USP19: variants seen among roughly 807,000 people sequenced by gnomAD.
USP19 encodes ubiquitin carboxyl-terminal hydrolase 19.
In USP19, 40 loss-of-function variants were observed where a neutral mutation model predicts 144.8. The observed-to-expected ratio is 0.28, with a 90% CI of 0.21 to 0.36. USP19 has a LOEUF of 0.36. Among genes scored for constraint, USP19 ranks in the 10% least tolerant of loss-of-function variants. The pLI is 1.00. For synonymous variants in USP19, 701 were observed against 709.3 expected, an observed-to-expected ratio of 0.99 and a Z score of 0.19; for missense variants, 1,518 against 1,822.5, an observed-to-expected ratio of 0.83 and a Z score of 3.04.
In USP19 at chr3:49,116,380, G is replaced by C. The variant is rs761341708; in HGVS notation, c.1284-29C>G. The C allele has an allele frequency of 6.2e-7, 1 of 1,613,968 alleles. No individual in the cohort carries two copies. The highest frequency in any genetic ancestry group is 1.3e-5 in the African/African-American group (1 of 74,934). ...CAGAGGCACAGCAGGATAGGAGGAA[G>C]GACAAGAGGAAGAGCATGAGACATA... On this transcript the variant is annotated intron_variant, in intron 8 of 26. Transcript: ENST00000417901. This position sits in a 1 kb window ranked among gnomAD's most constrained non-coding sequence, Gnocchi z 5.0.
chr3:49,111,372 G>C lies in USP19; in HGVS notation c.3218-7C>G, dbSNP rs754638836. On this transcript the variant is annotated splice_region_variant and splice_polypyrimidine_tract_variant and intron_variant, in intron 21 of 26. Transcript: ENST00000417901. This position sits in a 1 kb window ranked among gnomAD's most constrained non-coding sequence, Gnocchi z 5.9. ...TGGTACCCAGGCACAGCAGCTGTGT[G>C]AGAACATGATAATCAAAGCTTCCCT... The C allele has an allele frequency of 6.2e-7, 1 of 1,614,140 alleles. No homozygotes were observed. Among genetic ancestry groups the C allele is most frequent in the South Asian group, 1.1e-5 (1 of 91,080 alleles).
In USP19 at chr3:49,111,005, C is replaced by A; in HGVS notation, c.3490G>T (p.Asp1164Tyr). Residue 1164 changes from aspartate to tyrosine, a missense_variant, in exon 23 of 27, where the codon GAC becomes TAC. This residue lies in a region of USP19 where 413 missense variants were observed against 515.8 expected (regional missense o/e 0.80). Transcript: ENST00000417901. The surrounding 1 kb of genome is among the most constrained non-coding windows in gnomAD (Gnocchi z 5.9). ...CGTGTGAAGAGGTTGAGGCACTGGT[C>A]CAGGGTGAAGTGGCCGGCCCGGGCA... ...EAARAGHFTL[D>Y]QCLNLFTRPE... 6.2e-7 allele frequency: 1 copy of A among 1,614,046 alleles called. No individual in the cohort carries two copies. The highest frequency in any genetic ancestry group is 2.2e-5 in the East Asian group (1 of 44,880).
Position 49,118,122 on chromosome 3 carries a change from T to C in USP19, c.125-2A>G. 1.0e-6 allele frequency: 1 copy of C among 1,004,394 alleles called. No individual in the cohort carries two copies. Among genetic ancestry groups the C allele is most frequent in the Non-Finnish European group, 1.4e-6 (1 of 722,098 alleles). 62.2% of individuals were successfully genotyped at this position (1,004,394 alleles called of 1,614,324 possible). A position where few individuals can be genotyped will look rare whatever the true frequency, so the allele number is the denominator to read the frequency against. Reference sequence around the variant, plus strand: ...GGGCAACATATCGAGACCCTGTCTCTAAAAAAAAAATAAGAAAAATTAGTC... The same window carrying C: ...GGGCAACATATCGAGACCCTGTCTCCAAAAAAAAAATAAGAAAAATTAGTC... On this transcript the variant is annotated splice_acceptor_variant, in intron 2 of 26. Coordinates refer to ENST00000417901, the MANE Select transcript of USP19 (RefSeq NM_001199161.2). LOFTEE classifies it high-confidence loss of function.
In USP19 at chr3:49,108,586, C is replaced by T. The variant is rs1056774094; in HGVS notation, c.4039-58G>A. 18 of 1,258,106 alleles carry T rather than the reference C, an allele frequency of 1.4e-5. No individual in the cohort carries two copies. Among genetic ancestry groups the T allele is most frequent in the Non-Finnish European group, 1.6e-5 (16 of 990,706 alleles). 77.9% of individuals were successfully genotyped at this position (1,258,106 alleles called of 1,614,324 possible). A position where few individuals can be genotyped will look rare whatever the true frequency, so the allele number is the denominator to read the frequency against. ...CTGCCCAGCATGCCGCCTGGCATCC[C>T]GGGGGTGCTGGCTTGGAGCCCTGGC... On this transcript the variant is annotated intron_variant, in intron 26 of 26. Coordinates refer to ENST00000417901, the MANE Select transcript of USP19 (RefSeq NM_001199161.2). This position sits in a 1 kb window ranked among gnomAD's most constrained non-coding sequence, Gnocchi z 4.8.
intron 17 of USP19, among the ~76,000 whole-genome samples, chr3:49,113,228 CT>C (rs2043463745): frequency 6.6e-6 from 1 of 152,200 alleles, no homozygotes; most frequent in African/African-American, 2.4e-5. Context: ...AGCACATCGC[CT>C]GTTTTTGTAC....
Position 49,115,186 on chromosome 3 carries a change from C to G in USP19, c.2022+42G>C. 1 of 1,613,022 alleles carries G rather than the reference C, an allele frequency of 6.2e-7. No individual in the cohort carries two copies. The highest frequency in any genetic ancestry group is 1.1e-5 in the South Asian group (1 of 91,024). On this transcript the variant is annotated intron_variant, in intron 13 of 26. Transcript: ENST00000417901. This position sits in a 1 kb window ranked among gnomAD's most constrained non-coding sequence, Gnocchi z 6.6. The stretch of plus-strand genomic sequence containing the variant: ...ACTGCACACCCAGCTGGCTGGCCCT[C>G]CCCGCCCCCTCCAGCCAAGGGTGAC...
rs757243179 is a variant in USP19, at chr3:49,115,873, C to T, written c.1543G>A (p.Ala515Thr). 38 of 1,600,664 alleles carry T rather than the reference C, an allele frequency of 2.4e-5. No individual in the cohort carries two copies. Among genetic ancestry groups the T allele is most frequent in the Middle Eastern group, 1.7e-4 (1 of 5,976 alleles). The change falls in exon 11 of 27, where the codon GCT becomes ACT. Residue 515 changes from alanine to threonine, a missense_variant. Ala to Thr is a moderately conservative substitution (Grantham distance 58). Around this residue, in one of 5 missense-constraint regions of USP19, gnomAD observed 707 missense variants for 728.9 expected, o/e 0.97. Transcript: ENST00000417901. This position sits in a 1 kb window ranked among gnomAD's most constrained non-coding sequence, Gnocchi z 6.6. ...TPLDSTPPGGAPHPLTGQEEA... is the reference protein window; with the variant it reads ...TPLDSTPPGGTPHPLTGQEEA... ...TCCTGGCCTGTCAGGGGGTGGGGAG[C>T]ACCTCCTGGTGGGGTTGAATCCAGA...
chr3:49,117,026 C>G lies in USP19; in HGVS notation c.909+33G>C. The G allele has an allele frequency of 1.3e-6, 2 of 1,529,126 alleles. No homozygotes were observed. Among genetic ancestry groups the G allele is most frequent in the Admixed American group, 2.0e-5 (1 of 49,250 alleles). 94.7% of individuals were successfully genotyped at this position (1,529,126 alleles called of 1,614,324 possible). On this transcript the variant is annotated intron_variant, in intron 6 of 26. Coordinates refer to ENST00000417901, the MANE Select transcript of USP19 (RefSeq NM_001199161.2). This position sits in a 1 kb window ranked among gnomAD's most constrained non-coding sequence, Gnocchi z 4.4. ...TCCAGTGCACACCCTTTCCCCCCATCTCCTAACACCCAAACAGGTGCCCAG... is the reference window on the plus strand; with the variant it reads ...TCCAGTGCACACCCTTTCCCCCCATGTCCTAACACCCAAACAGGTGCCCAG...
rs2044483262 is a variant in USP19 at position 49,118,102 on chromosome 3, A to G, written c.143T>C (p.Val48Ala). 7.3e-7 allele frequency: 1 copy of G among 1,366,888 alleles called. No individual in the cohort carries two copies. Among genetic ancestry groups the G allele is most frequent in the Non-Finnish European group, 1.0e-6 (1 of 986,502 alleles). The allele number at this position is 1,366,888 out of a possible 1,614,324, so 84.7% of individuals were successfully genotyped here. A position where few individuals can be genotyped will look rare whatever the true frequency, so the allele number is the denominator to read the frequency against. Residue 48 changes from valine (V) to alanine (A), a missense_variant, in exon 3 of 27, where the codon GTT becomes GCT. Val to Ala is a moderately conservative substitution (Grantham distance 64). Around this residue, in one of 5 missense-constraint regions of USP19, gnomAD observed 707 missense variants for 728.9 expected, o/e 0.97. Transcript: ENST00000417901. ...CAGAGGTTCAAGACCAGCCTGGGCA[A>G]CATATCGAGACCCTGTCTCTAAAAA... is the stretch of plus-strand genomic sequence containing the variant. Reference protein sequence around the residue: ...DPRKETGSRYVAQAGLEPLAS... With the variant: ...DPRKETGSRYAAQAGLEPLAS...
At position 49,117,497 on chromosome 3, in the gene USP19, G is replaced by A; in HGVS notation, c.546C>T (p.Gly182=). 6.2e-7 allele frequency: 1 copy of A among 1,614,148 alleles called. No homozygotes were observed. The highest frequency in any genetic ancestry group is 1.1e-5 in the South Asian group (1 of 91,082). ...SSCAKVQTRK[G]SLLHLTLPKK... ...TGGGCAGTGTCAGGTGCAGGAGACT[G>A]CCCTTGCGGGTTTGCACTTTAGCAC... is the stretch of plus-strand genomic sequence containing the variant. Residue 182 remains glycine, a synonymous_variant, in exon 5 of 27, where the codon GGC becomes GGT. Transcript: ENST00000417901. This position sits in a 1 kb window ranked among gnomAD's most constrained non-coding sequence, Gnocchi z 4.4.
chr3:49,116,564 C>T lies in USP19; in HGVS notation c.1170G>A (p.Ser390=), dbSNP rs371667917. ...CCACTGAATCCGGGCCCTTCTCATA[C>T]GAGTCATTCTTGACAAACGCCAGGT... ...MVNLAFVKND[S]YEKGPDSVVV... is the part of the protein sequence containing the mutation. The change falls in exon 8 of 27, where the codon TCG becomes TCA. Residue 390 remains serine, a synonymous_variant. Transcript: ENST00000417901. This position sits in a 1 kb window ranked among gnomAD's most constrained non-coding sequence, Gnocchi z 5.0. 2.4e-5 allele frequency: 38 copies of T among 1,614,216 alleles called. No homozygotes were observed. The South Asian group carries it at 3.0e-4, about 13-fold the overall frequency.
chr3:49,113,972 C>G lies in USP19; in HGVS notation c.2505+20G>C. 2 of 1,612,944 alleles carry G rather than the reference C, an allele frequency of 1.2e-6. No homozygotes were observed. Among genetic ancestry groups the G allele is most frequent in the Non-Finnish European group, 1.7e-6 (2 of 1,179,444 alleles). The stretch of plus-strand genomic sequence containing the variant: ...CACACACATCCACACATGTGATAGC[C>G]CAAGGAAGGACAAAGATACCTCCGC... On this transcript the variant is annotated intron_variant, in intron 17 of 26. Coordinates refer to ENST00000417901, the MANE Select transcript of USP19 (RefSeq NM_001199161.2).
In USP19 at chr3:49,118,001, A is replaced by T. The variant is rs1212382919; in HGVS notation, c.244T>A (p.Phe82Ile). ...TGSRHRTRLF[F>I]PSSSGSASTP... ...GATGCTGACCCTGACGATGAAGGAA[A>T]GAACAGCCGGGTACGGTGGCGTGAG... is the stretch of plus-strand genomic sequence containing the variant. The change falls in exon 3 of 27, where the codon TTT becomes ATT. Residue 82 changes from phenylalanine to isoleucine, a missense_variant. By Grantham distance (21) the Phe-to-Ile change is conservative. Coordinates refer to ENST00000417901, the MANE Select transcript of USP19 (RefSeq NM_001199161.2). 1 of 1,607,926 alleles carries T rather than the reference A, an allele frequency of 6.2e-7. No individual in the cohort carries two copies. The highest frequency in any genetic ancestry group is 8.5e-7 in the Non-Finnish European group (1 of 1,178,518).
At position 49,116,123 on chromosome 3, in the gene USP19, C is replaced by T. The variant is rs1435147870; in HGVS notation, c.1395G>A (p.Thr465=). The T allele has an allele frequency of 2.5e-6, 4 of 1,613,418 alleles. No homozygotes were observed. Among genetic ancestry groups the T allele is most frequent in the African/African-American group, 1.3e-5 (1 of 74,888 alleles). ...IEPEQCTFCF[T]ASRIDICLRK... ...GAAGGCAGATGTCGATGCGAGAAGC[C>T]GTGAAACAGAAGGTGCACTGCTCTG... Residue 465 remains threonine, a synonymous_variant, in exon 10 of 27, where the codon ACG becomes ACA. Transcript: ENST00000417901. This position sits in a 1 kb window ranked among gnomAD's most constrained non-coding sequence, Gnocchi z 5.0.
chr3:49,111,723 T>C lies in USP19; in HGVS notation c.2994A>G (p.Thr998=). 1 of 1,579,074 alleles carries C rather than the reference T, an allele frequency of 6.3e-7. No individual in the cohort carries two copies. Among genetic ancestry groups the C allele is most frequent in the Non-Finnish European group, 8.6e-7 (1 of 1,161,920 alleles). ...QSPGCTTLLS[T]GSLEAGDSER... is the part of the protein sequence containing the mutation. ...CGCTGTCCCCAGCCTCCAGGGAACC[T>C]GTGGAGAGCAGTGTGGTGCAGCCAG... is the stretch of plus-strand genomic sequence containing the variant. The change falls in exon 21 of 27, where the codon ACA becomes ACG. Residue 998 remains threonine, a synonymous_variant. Coordinates refer to ENST00000417901, the MANE Select transcript of USP19 (RefSeq NM_001199161.2). This position sits in a 1 kb window ranked among gnomAD's most constrained non-coding sequence, Gnocchi z 5.9.
chr3:49,116,695 C>T lies in USP19; in HGVS notation c.1126+32G>A. The T allele has an allele frequency of 6.2e-7, 1 of 1,607,688 alleles. No individual in the cohort carries two copies. Among genetic ancestry groups the T allele is most frequent in the Non-Finnish European group, 8.5e-7 (1 of 1,176,178 alleles). ...CCACCTACAAACTTTGCAACCCAAC[C>T]TAGGGCTCTGCCTGCCCACCCCCAC... On this transcript the variant is annotated intron_variant, in intron 7 of 26. Transcript: ENST00000417901. The surrounding 1 kb of genome is among the most constrained non-coding windows in gnomAD (Gnocchi z 5.0).
In USP19 at chr3:49,117,542, A is replaced by G; in HGVS notation, c.501T>C (p.Tyr167=). ...TAGCACAAGAGCTTTTTATCTCAGC[A>G]TAGAAGACACCACCCCACTGCTGAC... The part of the protein sequence containing the change: ...AGGQQWGGVF[Y]AEIKSSCAKV... Residue 167 remains tyrosine, a synonymous_variant, in exon 5 of 27, where the codon TAT becomes TAC. Coordinates refer to ENST00000417901, the MANE Select transcript of USP19 (RefSeq NM_001199161.2). This position sits in a 1 kb window ranked among gnomAD's most constrained non-coding sequence, Gnocchi z 4.4. The G allele has an allele frequency of 6.2e-7, 1 of 1,614,100 alleles. No individual in the cohort carries two copies. The highest frequency in any genetic ancestry group is 1.1e-5 in the South Asian group (1 of 91,088).
intron 2 of USP19, among the ~76,000 whole-genome samples, chr3:49,118,393 C>T (rs953165443): frequency 3.3e-5 from 5 of 152,002 alleles, no homozygotes; most frequent in Admixed American, 2.0e-4. Flanking sequence ...CATGGTGAAA[C>T]CCCGTCTCTA....
At chr3:49,119,377 GC>G (rs1466803722) in intron 1 of USP19, 96 bp from the exon 2 acceptor site, 1 of 501,470 alleles carries the variant, frequency 2.0e-6, no homozygotes, top group African/African-American at 1.9e-5. Flanking sequence ...ATGCTACAGA[GC>G]TGTATCTTCT....
Sources: gnomAD v4.1 joint callset for allele counts (sites outside exome capture counted in the v4.1 genomes callset) on GRCh38, gnomAD v4.1.1 for gene constraint, gnomAD v4.1.1 regional missense constraint, Gnocchi (gnomAD v3.1) non-coding constraint, MANE v1.5 for transcripts, NCBI Gene and HGNC (gene_info 2026-07-23, HGNC 2026-07-21) for gene names.